CCNJ: variants seen among roughly 807,000 people sequenced by gnomAD.
The protein encoded by CCNJ is cyclin-J.
In CCNJ, 12 loss-of-function variants were observed where a neutral mutation model predicts 41.4. The observed-to-expected ratio is 0.29, with a 90% confidence interval of 0.19 to 0.47. The LOEUF (loss-of-function observed/expected upper bound fraction) is 0.47, where lower values mean the gene tolerates loss of function less well. Ranked by LOEUF, CCNJ falls within the 20% of genes least tolerant of loss-of-function variation. The pLI, the probability that CCNJ is intolerant of heterozygous loss-of-function variation, is 1.00. For synonymous variants in CCNJ, 161 were observed against 173.4 expected (o/e 0.93, Z 0.56); for missense variants, 340 against 464.6 (o/e 0.73, Z 2.47).
rs2142016913 is a variant in CCNJ, at chr10:96,043,688, C to G, written c.-73C>G. Reference sequence around the variant, plus strand: ...GGGGCCGGCGTCCGCCGCACGACGGCGGGGCTGGGGCTGTGAGGGCCGCGG... The same window carrying G: ...GGGGCCGGCGTCCGCCGCACGACGGGGGGGCTGGGGCTGTGAGGGCCGCGG... On this transcript the variant is annotated 5_prime_UTR_variant, in exon 1 of 6. Transcript: ENST00000465148. 1 of 393,668 alleles carries G rather than the reference C, an allele frequency of 2.5e-6. No homozygotes were observed. Among genetic ancestry groups the G allele is most frequent in the East Asian group, 3.6e-5 (1 of 27,744 alleles). The allele number at this position is 393,668 out of a possible 1,614,324, so 24.4% of individuals were successfully genotyped here.
chr10:96,045,364 T>C (rs1419097986), intron 2 of CCNJ, among the ~76,000 whole-genome samples: 1 of 152,236 alleles, frequency 6.6e-6, no homozygotes, highest in Non-Finnish European at 1.5e-5. Context: ...GCAAAACAGC[T>C]GACTTTCAAT....
At position 96,057,259 on chromosome 10, in the gene CCNJ, T is replaced by C. The variant is rs2080720190; in HGVS notation, c.740+12T>C. The C allele has an allele frequency of 1.9e-6, 3 of 1,609,930 alleles. No homozygotes were observed. Among genetic ancestry groups the C allele is most frequent in the Non-Finnish European group, 2.5e-6 (3 of 1,176,956 alleles). On this transcript the variant is annotated intron_variant, in intron 5 of 5. Coordinates refer to ENST00000465148, the MANE Select transcript of CCNJ (RefSeq NM_001134375.2). ...GAACGACTGTTGATGTAAGCCTTTT[T>C]ATTCTTGTGTTTGTACTTTCTCATT...
Position 96,060,390 on chromosome 10 carries a change from T to C in CCNJ, c.*2149T>C, listed in dbSNP as rs2080790798. The C allele has an allele frequency of 6.6e-6, 1 of 152,630 alleles. No homozygotes were observed. Among genetic ancestry groups the C allele is most frequent in the Non-Finnish European group, 1.5e-5 (1 of 68,034 alleles). The allele number at this position is 152,630 out of a possible 1,614,324, so 9.5% of individuals were successfully genotyped here. ...AAGCTTATTAATAACACTTTCCCAA[T>C]TTATATTTTAAAAAGCTAAAGAACA... On this transcript the variant is annotated 3_prime_UTR_variant, in exon 6 of 6. Coordinates refer to ENST00000465148, the MANE Select transcript of CCNJ (RefSeq NM_001134375.2).
chr10:96,050,443 C>T lies in CCNJ; in HGVS notation c.257C>T (p.Ala86Val), dbSNP rs1277109028. The T allele has an allele frequency of 6.2e-6, 10 of 1,613,798 alleles. No individual in the cohort carries two copies. The highest frequency in any genetic ancestry group is 2.2e-5 in the East Asian group (1 of 44,882). The change falls in exon 3 of 6, where the codon GCG (alanine) becomes GTG (valine). Residue 86 changes from alanine to valine, a missense_variant. Transcript: ENST00000465148. ...DISIQQLHLV[A>V]LSCLLLASKF... is the part of the protein sequence containing the mutation. Reference sequence around the variant, plus strand: ...TCTATCCAGCAGCTGCATTTAGTTGCGCTTTCCTGCCTGCTTCTAGCAAGT... The same window carrying T: ...TCTATCCAGCAGCTGCATTTAGTTGTGCTTTCCTGCCTGCTTCTAGCAAGT...
intron 3 of CCNJ, among the ~76,000 whole-genome samples, chr10:96,056,414 G>A (rs2080694799): frequency 6.6e-6 from 1 of 151,756 alleles, no homozygotes; most frequent in Admixed American, 6.6e-5. Flanking sequence ...TGATGAGATT[G>A]AGTTATTTTT....
chr10:96,055,331 A>C (rs1441239711), intron 3 of CCNJ, among the ~76,000 whole-genome samples: 2 of 152,206 alleles, frequency 1.3e-5, no homozygotes, highest in Admixed American at 1.3e-4. Flanking sequence ...GCATAGGCAT[A>C]ATATGATGGT....
intron 3 of CCNJ, among the ~76,000 whole-genome samples, chr10:96,052,046 C>T (rs1467338969): frequency 6.6e-6 from 1 of 152,196 alleles, no homozygotes; most frequent in Non-Finnish European, 1.5e-5. Context: ...CTACATTTCC[C>T]CTTAATCTAC....
chr10:96,048,891 A>G (rs1196242413), intron 2 of CCNJ, among the ~76,000 whole-genome samples: 1 of 152,192 alleles, frequency 6.6e-6, no homozygotes, highest in Admixed American at 6.5e-5. Context: ...TGTGTGTACA[A>G]ATCTCTCTTC....
At chr10:96,048,940 C>T (rs73318986) in intron 2 of CCNJ, among the ~76,000 whole-genome samples, 3,567 of 152,194 alleles carry the variant, frequency 0.023, 156 homozygotes, top group African/African-American at 0.08. Context: ...TGTACCTAAA[C>T]GTGGAATTGC....
chr10:96,049,481 CTTTT>C (rs150769179), intron 2 of CCNJ, among the ~76,000 whole-genome samples: 4 of 108,310 alleles, frequency 3.7e-5, no homozygotes, highest in African/African-American at 7.1e-5. Flanking sequence ...TTTTCTTTTT[CTTTT>C]TTTTTTTTTT....
chr10:96,045,415 T>C (rs906337079), intron 2 of CCNJ, among the ~76,000 whole-genome samples: 2 of 152,240 alleles, frequency 1.3e-5, no homozygotes, highest in East Asian at 1.9e-4. Flanking sequence ...CCTGGAATGA[T>C]AATGAACTTT....
chr10:96,049,110 T>C (rs961720932), intron 2 of CCNJ, among the ~76,000 whole-genome samples: 1 of 152,230 alleles, frequency 6.6e-6, no homozygotes, highest in African/African-American at 2.4e-5. Context: ...TTGTTTTGTT[T>C]TGTTTTTTGA....
intron 2 of CCNJ, among the ~76,000 whole-genome samples, chr10:96,045,141 T>C (rs1480940848): frequency 6.6e-6 from 1 of 152,190 alleles, no homozygotes; most frequent in African/African-American, 2.4e-5. Context: ...TAATAGATAT[T>C]GGAAAAAAAT....
At chr10:96,045,026 A>G (rs931908064) in intron 2 of CCNJ, among the ~76,000 whole-genome samples, 1 of 152,224 alleles carries the variant, frequency 6.6e-6, no homozygotes, top group Non-Finnish European at 1.5e-5. Context: ...GCACTAAGTG[A>G]TAACTTCTTA....
At chr10:96,056,492 AT>A (rs200916746) in intron 3 of CCNJ, among the ~76,000 whole-genome samples, 10 of 150,836 alleles carry the variant, frequency 6.6e-5, no homozygotes, top group African/African-American at 1.9e-4. Flanking sequence ...TATTTCAAGC[AT>A]TTTTTTTTAG....
intron 2 of CCNJ, 112 bp downstream of exon 2, chr10:96,044,574 G>A: frequency 1.2e-6 from 1 of 803,744 alleles, no homozygotes; most frequent in Non-Finnish European, 1.8e-6. Flanking sequence ...TTCCGGGCCA[G>A]AAAAGGCGAG....
chr10:96,054,375 T>G (rs1328897587), intron 3 of CCNJ, among the ~76,000 whole-genome samples: 2 of 152,212 alleles, frequency 1.3e-5, no homozygotes, highest in Non-Finnish European at 2.9e-5. Context: ...CAATTGACAT[T>G]ATCACACTTT....
At chr10:96,044,999 C>T (rs1313915366) in intron 2 of CCNJ, among the ~76,000 whole-genome samples, 2 of 152,156 alleles carry the variant, frequency 1.3e-5, no homozygotes, top group Admixed American at 1.3e-4. Flanking sequence ...TTAGAAACTG[C>T]TCTTGGTATA....
intron 2 of CCNJ, among the ~76,000 whole-genome samples, chr10:96,049,475 CTTTTTCTT>C (rs962249636): frequency 3.0e-4 from 34 of 112,654 alleles, no homozygotes; most frequent in African/African-American, 1.1e-3. Flanking sequence ...TTTTCTTTTT[CTTTTTCTT>C]TTTTTTTTTT....
Sources: gnomAD v4.1 joint callset for allele counts (sites outside exome capture counted in the v4.1 genomes callset) on GRCh38, gnomAD v4.1.1 for gene constraint, MANE v1.5 for transcripts, NCBI Gene and HGNC (gene_info 2026-07-23, HGNC 2026-07-21) for gene names.